CACNA2D1: variants seen among roughly 807,000 people sequenced by gnomAD.
The protein encoded by CACNA2D1 is voltage-dependent calcium channel subunit alpha-2/delta-1.
A neutral mutation model predicts 171.5 loss-of-function variants in CACNA2D1; 53 were observed. The ratio of observed to expected loss-of-function variants is 0.31; its 90% CI spans 0.25 to 0.39. The LOEUF is 0.39. Among genes scored for constraint, CACNA2D1 ranks in the 10% least tolerant of loss-of-function variants. CACNA2D1 has a pLI of 1.00. For synonymous variants in CACNA2D1, 442 were observed against 443.1 expected (o/e 1.00, Z 0.03); for missense variants, 903 against 1,299.8 (o/e 0.69, Z 4.69).
At chr7:82,221,010 G>A (rs948831032) in intron 3 of CACNA2D1, among the ~76,000 whole-genome samples, 14 of 152,008 alleles carry the variant, frequency 9.2e-5, no homozygotes, top group East Asian at 7.7e-4. Context: ...TCCTGACCTC[G>A]CATGATCTGC....
At chr7:82,208,208 G>A (rs1800204001) in intron 3 of CACNA2D1, among the ~76,000 whole-genome samples, 1 of 152,030 alleles carries the variant, frequency 6.6e-6, no homozygotes, top group Admixed American at 6.6e-5. Context: ...CCTTTTAAAT[G>A]TTTAATAAAT....
At chr7:82,037,254 G>T (rs1803392512) in intron 11 of CACNA2D1, among the ~76,000 whole-genome samples, 1 of 152,246 alleles carries the variant, frequency 6.6e-6, no homozygotes, top group East Asian at 1.9e-4. Context: ...CAAGGCGGGT[G>T]GATCACCTGG....
intron 3 of CACNA2D1, among the ~76,000 whole-genome samples, chr7:82,176,265 T>C (rs1399751959): frequency 6.6e-6 from 1 of 152,024 alleles, no homozygotes; most frequent in East Asian, 1.9e-4. Context: ...CCATGAATAT[T>C]GAGTATAATA....
rs76634258 is a variant in CACNA2D1 at position 82,179,959 on chromosome 7, A to G, written c.295-9350T>C. Among the ~76,000 whole-genome samples the G allele has an allele frequency of 8.1e-3, 1,229 of 152,228 alleles. 6 individuals carry two copies. Among genetic ancestry groups the G allele is most frequent in the Non-Finnish European group, 0.014 (929 of 68,006 alleles). The stretch of plus-strand genomic sequence containing the variant: ...AGCCATCTTAAATTATTTCCATAAT[A>G]AAGTTATTGGAAAGGGCATACCTTC... On this transcript the variant is annotated intron_variant, in intron 3 of 38. Transcript: ENST00000356860.
intron 6 of CACNA2D1, among the ~76,000 whole-genome samples, chr7:82,100,152 G>A (rs1812504972): frequency 6.6e-6 from 1 of 152,236 alleles, no homozygotes; most frequent in South Asian, 2.1e-4. Context: ...TTTTTTGTGT[G>A]TGTGTGAGGA....
intron 1 of CACNA2D1, among the ~76,000 whole-genome samples, chr7:82,374,898 C>T (rs1822844525): frequency 6.6e-6 from 1 of 151,944 alleles, no homozygotes; most frequent in Non-Finnish European, 1.5e-5. Context: ...TTATTAAAAC[C>T]TATCTCAATA....
intron 9 of CACNA2D1, among the ~76,000 whole-genome samples, chr7:82,063,294 G>A (rs1413925174): frequency 6.6e-6 from 1 of 152,012 alleles, no homozygotes; most frequent in Admixed American, 6.6e-5. Context: ...GAATATCAAG[G>A]ATTAGCATAT....
chr7:82,393,079 AAGGAAGGCAGGCAGGC>A (rs1402015162), intron 1 of CACNA2D1, among the ~76,000 whole-genome samples: 14 of 114,156 alleles, frequency 1.2e-4, no homozygotes, highest in African/African-American at 4.8e-4. Flanking sequence ...GGAAGGAAGG[AAGGAAGGCAGGCAGGC>A]AGGCAGGCAG....
chr7:82,096,476 C>T (rs539369329), intron 6 of CACNA2D1, among the ~76,000 whole-genome samples: 5 of 151,682 alleles, frequency 3.3e-5, no homozygotes, highest in South Asian at 2.1e-4. Context: ...AGGTGGCTAC[C>T]GTAAATCAAG....
At chr7:82,429,717 T>G (rs1829511882) in intron 1 of CACNA2D1, among the ~76,000 whole-genome samples, 1 of 152,218 alleles carries the variant, frequency 6.6e-6, no homozygotes, top group African/African-American at 2.4e-5. Context: ...TTCATTACCA[T>G]CGAGCAAAAA....
chr7:82,286,590 A>G (rs955724340), intron 3 of CACNA2D1, among the ~76,000 whole-genome samples: 98 of 152,112 alleles, frequency 6.4e-4, no homozygotes, highest in African/African-American at 2.2e-3. Flanking sequence ...AGCTTGGTTC[A>G]TTGTCCTAAG....
chr7:82,183,135 A>G (rs993576508), intron 3 of CACNA2D1, among the ~76,000 whole-genome samples: 2 of 151,960 alleles, frequency 1.3e-5, no homozygotes, highest in African/African-American at 4.8e-5. Flanking sequence ...GGTTTATTTT[A>G]TCAGTAAGGA....
chr7:82,170,550 T>A lies in CACNA2D1; in HGVS notation c.354A>T (p.Ala118=). 2 of 1,612,010 alleles carry A rather than the reference T, an allele frequency of 1.2e-6. No individual in the cohort carries two copies. The highest frequency in any genetic ancestry group is 1.3e-5 in the African/African-American group (1 of 74,934). ...TCAAGTAGTTAAAAGGGGTTCTTAC[T>A]GCAAAATCTTCTCTCCACTGGTGAG... ...QAAHQWREDF[A]SNEVVYYNAK... Residue 118 remains alanine, a splice_region_variant and synonymous_variant, in exon 4 of 39, where the codon GCA becomes GCT. Transcript: ENST00000356860.
intron 24 of CACNA2D1, among the ~76,000 whole-genome samples, chr7:81,981,757 CTG>C (rs1182482076): frequency 2.0e-5 from 3 of 151,890 alleles, no homozygotes; most frequent in African/African-American, 7.2e-5. Context: ...TACAAGAAAA[CTG>C]AGATGGAGAA....
intron 3 of CACNA2D1, among the ~76,000 whole-genome samples, chr7:82,248,846 G>A (rs945622589): frequency 2.0e-5 from 3 of 151,900 alleles, no homozygotes; most frequent in African/African-American, 7.2e-5. Flanking sequence ...AGCTGGGCGC[G>A]GTGGCTCACG....
intron 3 of CACNA2D1, among the ~76,000 whole-genome samples, chr7:82,253,802 C>A (rs1805955726): frequency 6.6e-6 from 1 of 152,218 alleles, no homozygotes; most frequent in Middle Eastern, 3.4e-3. Context: ...AGCTACTGAA[C>A]CTTGAATTTA....
At chr7:82,364,818 T>A (rs1301175296) in intron 1 of CACNA2D1, among the ~76,000 whole-genome samples, 1 of 152,174 alleles carries the variant, frequency 6.6e-6, no homozygotes, top group Non-Finnish European at 1.5e-5. Flanking sequence ...AGTTTTCTGA[T>A]GGGACAGAAG....
intron 10 of CACNA2D1, among the ~76,000 whole-genome samples, chr7:82,049,160 C>T (rs1804908781): frequency 6.7e-6 from 1 of 149,330 alleles, no homozygotes; most frequent in African/African-American, 2.5e-5. Flanking sequence ...CCTAAATAAC[C>T]TTGGCGGCTT....
intron 3 of CACNA2D1, among the ~76,000 whole-genome samples, chr7:82,172,226 C>T (rs2129150960): frequency 6.6e-6 from 1 of 152,046 alleles, no homozygotes; most frequent in Non-Finnish European, 1.5e-5. Flanking sequence ...CTCCCTCTCC[C>T]TACAAAAACA....
Sources: allele counts gnomAD v4.1 joint callset (sites outside exome capture counted in the v4.1 genomes callset), GRCh38; gene constraint gnomAD v4.1.1; transcripts MANE v1.5; gene names NCBI Gene and HGNC (gene_info 2026-07-23, HGNC 2026-07-21).